The following S1PR1 variants were observed in gnomAD, a reference collection of about 807,000 sequenced individuals.
S1PR1 encodes the protein sphingosine 1-phosphate receptor 1.
S1PR1 carries 2 observed loss-of-function variants against 18.3 expected under a neutral mutation model. That is an observed-to-expected ratio of 0.11 (90% CI 0.04 to 0.34). S1PR1 has a LOEUF of 0.34. Among genes scored for constraint, S1PR1 ranks in the 10% least tolerant of loss-of-function variants. The probability of loss-of-function intolerance (pLI) is 1.00; values close to 1 mark genes in which losing one functional copy is unlikely to be tolerated. For missense variants in S1PR1, 335 were observed against 493.8 expected (o/e 0.68, Z 3.05); for synonymous variants, 222 against 211.2 (o/e 1.05, Z -0.44).
chr1:101,237,980 G>T (rs1460437265), intron 1 of S1PR1: 1 of 133,168 alleles, frequency 7.5e-6, no homozygotes, highest in Non-Finnish European at 1.6e-5. Context: ...AAATTTACTT[G>T]CCCTGGCTTG....
chr1:101,237,464 G>A (rs1231011839), intron 1 of S1PR1, among the ~76,000 whole-genome samples: 1 of 152,182 alleles, frequency 6.6e-6, no homozygotes, highest in Non-Finnish European at 1.5e-5. Flanking sequence ...GCTTAAATTA[G>A]TACTGCCCAG....
Position 101,240,216 on chromosome 1 carries a change from C to T in S1PR1, c.*83C>T, listed in dbSNP as rs768377556. 1 of 1,447,950 alleles carries T rather than the reference C, an allele frequency of 6.9e-7. No homozygotes were observed. Among genetic ancestry groups the T allele is most frequent in the Non-Finnish European group, 9.5e-7 (1 of 1,053,438 alleles). The allele number at this position is 1,447,950 out of a possible 1,614,324, so 89.7% of individuals were successfully genotyped here. On this transcript the variant is annotated 3_prime_UTR_variant, in exon 2 of 2. Coordinates refer to ENST00000305352, the MANE Select transcript of S1PR1 (RefSeq NM_001400.5). ...TGTTTGGAAAAAAATCTCTGGGCTT[C>T]GACTGCTGCCAGGGAGGAGCTGCTG...
chr1:101,238,277 G>T (rs1001562306), intron 1 of S1PR1: 1 of 152,090 alleles, frequency 6.6e-6, no homozygotes, highest in Non-Finnish European at 1.5e-5. Flanking sequence ...TTGAACTGGG[G>T]GGCTGGGGGT....
At chr1:101,238,038 G>A (rs1210812042) in intron 1 of S1PR1, 2 of 151,018 alleles carry the variant, frequency 1.3e-5, no homozygotes, top group Non-Finnish European at 3.0e-5. Flanking sequence ...GGGAGAATAA[G>A]AAGAAGAAAG....
intron 1 of S1PR1, 113 bp from the exon 2 acceptor site, chr1:101,238,709 A>G (rs1652787813): frequency 9.4e-6 from 4 of 425,342 alleles, no homozygotes; most frequent in East Asian, 3.5e-5. Flanking sequence ...GCTCTCCCCA[A>G]GTTTCTTTAA....
chr1:101,239,003 C>CCGA lies in S1PR1; in HGVS notation c.21_22insACG (p.Pro7_Leu8insThr). 1 of 1,613,582 alleles carries CCGA rather than the reference C, an allele frequency of 6.2e-7. No homozygotes were observed. Among genetic ancestry groups the CCGA allele is most frequent in the Non-Finnish European group, 8.5e-7 (1 of 1,179,594 alleles). On this transcript the variant is annotated inframe_insertion, in exon 2 of 2. Transcript: ENST00000305352. This position sits in a 1 kb window ranked among gnomAD's most constrained non-coding sequence, Gnocchi z 6.3. Reference sequence around the variant, plus strand: ...TGGCACCATGGGGCCCACCAGCGTCCCGCTGGTCAAGGCCCACCGCAGCTC... The same window carrying CCGA: ...TGGCACCATGGGGCCCACCAGCGTCCCGACGCTGGTCAAGGCCCACCGCAGCTC...
At position 101,239,833 on chromosome 1, in the gene S1PR1, G is replaced by A. The variant is rs748087143; in HGVS notation, c.849G>A (p.Lys283=). The change falls in exon 2 of 2, where the codon AAG becomes AAA. Residue 283 remains lysine, a synonymous_variant. Transcript: ENST00000305352. The surrounding 1 kb of genome is among the most constrained non-coding windows in gnomAD (Gnocchi z 6.3). The part of the protein sequence containing the change: ...FILLLLDVGC[K]VKTCDILFRA... ...TGCTCCTGCTGGATGTGGGCTGCAA[G>A]GTGAAGACCTGTGACATCCTCTTCA... 2.5e-6 allele frequency: 4 copies of A among 1,613,718 alleles called. No homozygotes were observed. The highest frequency in any genetic ancestry group is 3.4e-6 in the Non-Finnish European group (4 of 1,180,034).
chr1:101,241,642 G>A (rs1652912986), downstream of S1PR1: 1 of 156,580 alleles, frequency 6.4e-6, no homozygotes, highest in Admixed American at 6.5e-5. Flanking sequence ...CTTAACTAGG[G>A]TGTGAAAAAA....
intron 1 of S1PR1, among the ~76,000 whole-genome samples, chr1:101,238,590 G>A (rs1364759003): frequency 6.6e-6 from 1 of 151,234 alleles, no homozygotes; most frequent in Non-Finnish European, 1.5e-5. Context: ...AGTGAATGTG[G>A]CCATAGAGTT....
chr1:101,239,399 G>T lies in S1PR1; in HGVS notation c.415G>T (p.Ala139Ser). Residue 139 changes from alanine (A) to serine (S), a missense_variant, in exon 2 of 2, where the codon GCC (alanine) becomes TCC (serine). Coordinates refer to ENST00000305352, the MANE Select transcript of S1PR1 (RefSeq NM_001400.5). The surrounding 1 kb of genome is among the most constrained non-coding windows in gnomAD (Gnocchi z 6.3). ...CTCCGTGTTCAGTCTCCTCGCCATC[G>T]CCATTGAGCGCTATATCACAATGCT... ...SASVFSLLAI[A>S]IERYITMLKM... 1 of 1,614,102 alleles carries T rather than the reference G, an allele frequency of 6.2e-7. No homozygotes were observed. Among genetic ancestry groups the T allele is most frequent in the Non-Finnish European group, 8.5e-7 (1 of 1,180,020 alleles).
At chr1:101,242,114 CTGAGTAGCA>C (rs1488329916), downstream of S1PR1, among the ~76,000 whole-genome samples, 1 of 151,176 alleles carries the variant, frequency 6.6e-6, no homozygotes, top group Non-Finnish European at 1.5e-5. Flanking sequence ...AAAATGTGGG[CTGAGTAGCA>C]TAACACTTTT....
At chr1:101,238,770 A>C in intron 1 of S1PR1, 52 bp from the exon 2 acceptor site, 1 of 583,902 alleles carries the variant, frequency 1.7e-6, no homozygotes, top group Non-Finnish European at 3.0e-6. Flanking sequence ...AGAATGAATT[A>C]TGCCAGTATG....
Position 101,239,955 on chromosome 1 carries a change from G to A in S1PR1, c.971G>A (p.Arg324Gln), listed in dbSNP as rs777359272. Residue 324 changes from arginine (R) to glutamine (Q), a missense_variant, in exon 2 of 2, where the codon CGG (arginine) becomes CAG (glutamine). Arg to Gln is a conservative substitution (Grantham distance 43, BLOSUM62 1). Around this residue, in one of 3 missense-constraint regions of S1PR1, gnomAD observed 90 missense variants for 97.6 expected, o/e 0.92. Coordinates refer to ENST00000305352, the MANE Select transcript of S1PR1 (RefSeq NM_001400.5). The surrounding 1 kb of genome is among the most constrained non-coding windows in gnomAD (Gnocchi z 6.3). The stretch of plus-strand genomic sequence containing the variant: ...AAGGAGATGCGTCGGGCCTTCATCC[G>A]GATCATGTCCTGCTGCAAGTGCCCG... The part of the protein sequence containing the change: ...TNKEMRRAFI[R>Q]IMSCCKCPSG... 3.7e-6 allele frequency: 6 copies of A among 1,613,950 alleles called. No individual in the cohort carries two copies. Among genetic ancestry groups the A allele is most frequent in the South Asian group, 1.1e-5 (1 of 91,086 alleles).
chr1:101,238,602 C>A (rs1652783923), intron 1 of S1PR1, among the ~76,000 whole-genome samples: 1 of 150,968 alleles, frequency 6.6e-6, no homozygotes. Flanking sequence ...CATAGAGTTT[C>A]TCCCTCTCTT....
rs1193161407 is a variant in S1PR1 at position 101,239,302 on chromosome 1, G to A, written c.318G>A (p.Gly106=). The change falls in exon 2 of 2, where the codon GGG becomes GGA. Residue 106 remains glycine (G), a synonymous_variant. Transcript: ENST00000305352. This position sits in a 1 kb window ranked among gnomAD's most constrained non-coding sequence, Gnocchi z 6.3. ...VAYTANLLLS[G]ATTYKLTPAQ... Reference sequence around the variant, plus strand: ...ACACAGCTAACCTGCTCTTGTCTGGGGCCACCACCTACAAGCTCACTCCCG... The same window carrying A: ...ACACAGCTAACCTGCTCTTGTCTGGAGCCACCACCTACAAGCTCACTCCCG... The A allele has an allele frequency of 1.2e-6, 2 of 1,614,100 alleles. No homozygotes were observed. The highest frequency in any genetic ancestry group is 1.7e-6 in the Non-Finnish European group (2 of 1,180,012).
Position 101,239,021 on chromosome 1 carries a change from C to T in S1PR1, c.37C>T (p.Arg13Cys), listed in dbSNP as rs41287280. 1 of 1,614,180 alleles carries T rather than the reference C, an allele frequency of 6.2e-7. No homozygotes were observed. The highest frequency in any genetic ancestry group is 8.5e-7 in the Non-Finnish European group (1 of 1,179,996). Reference sequence around the variant, plus strand: ...CAGCGTCCCGCTGGTCAAGGCCCACCGCAGCTCGGTCTCTGACTACGTCAA... The same window carrying T: ...CAGCGTCCCGCTGGTCAAGGCCCACTGCAGCTCGGTCTCTGACTACGTCAA... ...PTSVPLVKAH[R>C]SSVSDYVNYD... Residue 13 changes from arginine (R) to cysteine (C), a missense_variant, in exon 2 of 2, where the codon CGC becomes TGC. By Grantham distance (180) the Arg-to-Cys change is radical. Coordinates refer to ENST00000305352, the MANE Select transcript of S1PR1 (RefSeq NM_001400.5). The surrounding 1 kb of genome is among the most constrained non-coding windows in gnomAD (Gnocchi z 6.3).
intron 1 of S1PR1, among the ~76,000 whole-genome samples, chr1:101,238,435 T>A (rs1570827812): frequency 6.8e-6 from 1 of 146,740 alleles, no homozygotes; most frequent in South Asian, 2.2e-4. Context: ...GGTGAGGGGG[T>A]GTGGGGTGGT....
chr1:101,237,642 C>T (rs1652753811), intron 1 of S1PR1, among the ~76,000 whole-genome samples: 1 of 152,292 alleles, frequency 6.6e-6, no homozygotes, highest in South Asian at 2.1e-4. Flanking sequence ...TTCTGCTGAC[C>T]AGTGCCGTCT....
chr1:101,237,431 G>C lies in S1PR1; in HGVS notation c.-164+332G>C, dbSNP rs562838704. On this transcript the variant is annotated intron_variant, in intron 1 of 1. Coordinates refer to ENST00000305352, the MANE Select transcript of S1PR1 (RefSeq NM_001400.5). ...AATCCTATAGACAAAGAATATGGTG[G>C]GTGGTGTGGAGCGTGGGTAATGGCT... Among the ~76,000 whole-genome samples, 420 of 152,294 alleles carry C rather than the reference G, an allele frequency of 2.8e-3. 1 individual carries two copies. The highest frequency in any genetic ancestry group is 4.7e-3 in the Non-Finnish European group (318 of 68,014).
Sources: gnomAD v4.1 joint callset for allele counts (sites outside exome capture counted in the v4.1 genomes callset) on GRCh38, gnomAD v4.1.1 for gene constraint, gnomAD v4.1.1 regional missense constraint, Gnocchi (gnomAD v3.1) non-coding constraint, MANE v1.5 for transcripts, NCBI Gene and HGNC (gene_info 2026-07-23, HGNC 2026-07-21) for gene names.